Variants in ADCY2 observed in about 807,000 individuals in gnomAD.
ADCY2 encodes adenylate cyclase type 2.
A neutral mutation model predicts 125.2 loss-of-function variants in ADCY2; 31 were observed. That is an observed-to-expected ratio of 0.25 (90% CI 0.19 to 0.33). ADCY2 has a LOEUF of 0.33. Among genes scored for constraint, ADCY2 ranks in the 10% least tolerant of loss-of-function variants. The probability of loss-of-function intolerance (pLI) is 1.00; values close to 1 mark genes in which losing one functional copy is unlikely to be tolerated. For missense variants in ADCY2, 904 were observed against 1,418.2 expected (o/e 0.64, Z 5.82); for synonymous variants, 512 against 548.4 (o/e 0.93, Z 0.93).
chr5:7,476,085 C>T (rs1293551848), intron 2 of ADCY2, among the ~76,000 whole-genome samples: 1 of 152,184 alleles, frequency 6.6e-6, no homozygotes, highest in Non-Finnish European at 1.5e-5. Context: ...TGTGCTCTGA[C>T]ACTTCTGGTA....
intron 2 of ADCY2, among the ~76,000 whole-genome samples, chr5:7,432,854 CAG>C (rs1376996719): frequency 6.6e-6 from 1 of 151,410 alleles, no homozygotes; most frequent in Admixed American, 6.6e-5. Flanking sequence ...GATAGTTTCA[CAG>C]GTGTTTATGT....
At chr5:7,685,082 A>G (rs1384338034) in intron 4 of ADCY2, 2 of 152,242 alleles carry the variant, frequency 1.3e-5, no homozygotes, top group Non-Finnish European at 2.9e-5. Context: ...ACTGCAAGGA[A>G]CATACGACCC....
chr5:7,461,297 G>A (rs570217831), intron 2 of ADCY2, among the ~76,000 whole-genome samples: 1 of 152,290 alleles, frequency 6.6e-6, no homozygotes, highest in Non-Finnish European at 1.5e-5. Context: ...AAAGAAATGA[G>A]CTTCTTTTTC....
intron 4 of ADCY2, among the ~76,000 whole-genome samples, chr5:7,626,813 G>A (rs565867741): frequency 4.3e-4 from 66 of 152,142 alleles, no homozygotes; most frequent in African/African-American, 1.6e-3. Context: ...CCTCCCACCA[G>A]GCCTCACCTC....
At chr5:7,654,344 G>A (rs1739244416) in intron 4 of ADCY2, 1 of 354,356 alleles carries the variant, frequency 2.8e-6, no homozygotes, top group Admixed American at 3.7e-5. Flanking sequence ...GGGAAAACGG[G>A]ATCGAGAGAA....
intron 20 of ADCY2, chr5:7,794,436 A>G (rs1400364052): frequency 6.6e-6 from 1 of 152,224 alleles, no homozygotes; most frequent in Non-Finnish European, 1.5e-5. Context: ...CAGTTGCGGG[A>G]ACAGTGAGTG....
At chr5:7,480,502 C>A (rs1742688876) in intron 2 of ADCY2, among the ~76,000 whole-genome samples, 1 of 152,040 alleles carries the variant, frequency 6.6e-6, no homozygotes, top group African/African-American at 2.4e-5. Flanking sequence ...AATACATGAA[C>A]AGAAAACCAA....
intron 3 of ADCY2, among the ~76,000 whole-genome samples, chr5:7,603,653 A>G (rs1737292424): frequency 6.6e-6 from 1 of 152,158 alleles, no homozygotes; most frequent in Non-Finnish European, 1.5e-5. Flanking sequence ...ATGTAGGAGC[A>G]TACCCACAGA....
intron 2 of ADCY2, among the ~76,000 whole-genome samples, chr5:7,491,716 C>T (rs1013437040): frequency 1.3e-5 from 2 of 152,072 alleles, no homozygotes; most frequent in African/African-American, 2.4e-5. Context: ...TAGCCCCTAA[C>T]TGGGTTGTTG....
At chr5:7,693,503 C>G (rs922058723) in intron 5 of ADCY2, among the ~76,000 whole-genome samples, 9 of 150,130 alleles carry the variant, frequency 6.0e-5, no homozygotes, top group Admixed American at 5.3e-4. Context: ...ACTGCAACCT[C>G]CGCCTGCCGG....
At chr5:7,397,948 T>C (rs1397118550) in intron 1 of ADCY2, among the ~76,000 whole-genome samples, 2 of 152,186 alleles carry the variant, frequency 1.3e-5, no homozygotes, top group African/African-American at 4.8e-5. Flanking sequence ...TTTTTATCTC[T>C]CTTTACTACT....
At chr5:7,507,939 TG>T (rs756865610) in intron 2 of ADCY2, among the ~76,000 whole-genome samples, 306 of 152,292 alleles carry the variant, frequency 2.0e-3, no homozygotes, top group Non-Finnish European at 3.6e-3. Flanking sequence ...AAAAAAAACT[TG>T]CCAATAAAGC....
At chr5:7,737,832 C>T (rs1742293330) in intron 14 of ADCY2, among the ~76,000 whole-genome samples, 1 of 152,136 alleles carries the variant, frequency 6.6e-6, no homozygotes, top group African/African-American at 2.4e-5. Flanking sequence ...GGATCAATGA[C>T]AGAATAAATG....
chr5:7,701,920 C>T (rs1171244909), intron 7 of ADCY2, among the ~76,000 whole-genome samples: 1 of 152,062 alleles, frequency 6.6e-6, no homozygotes, highest in Non-Finnish European at 1.5e-5. Context: ...CTTATGTGTG[C>T]AGAATCTCAG....
At chr5:7,621,712 A>G (rs1029632876) in intron 3 of ADCY2, among the ~76,000 whole-genome samples, 9 of 152,234 alleles carry the variant, frequency 5.9e-5, no homozygotes, top group Non-Finnish European at 1.2e-4. Flanking sequence ...GGAGCAAAAT[A>G]ATAATAATTT....
intron 4 of ADCY2, among the ~76,000 whole-genome samples, chr5:7,638,182 T>C (rs1738573664): frequency 6.6e-6 from 1 of 152,218 alleles, no homozygotes; most frequent in Non-Finnish European, 1.5e-5. Context: ...TTCTTTGTTA[T>C]CATATATTTT....
intron 16 of ADCY2, among the ~76,000 whole-genome samples, chr5:7,763,205 C>T (rs993093452): frequency 1.3e-5 from 2 of 152,018 alleles, no homozygotes; most frequent in Non-Finnish European, 2.9e-5. Context: ...GCCATTCTGC[C>T]TCTGCGTCCC....
At chr5:7,481,627 T>C (rs1742735316) in intron 2 of ADCY2, among the ~76,000 whole-genome samples, 1 of 152,178 alleles carries the variant, frequency 6.6e-6, no homozygotes, top group Non-Finnish European at 1.5e-5. Context: ...TGAGAAATTA[T>C]TCAAATCATT....
chr5:7,686,967 C>G (rs1159864538), intron 4 of ADCY2, among the ~76,000 whole-genome samples: 3 of 152,114 alleles, frequency 2.0e-5, no homozygotes, highest in African/African-American at 7.2e-5. Flanking sequence ...AAGCATGGAC[C>G]CTGAGCTGTC....
Sources: gnomAD v4.1 joint callset for allele counts (sites outside exome capture counted in the v4.1 genomes callset) on GRCh38, gnomAD v4.1.1 for gene constraint, MANE v1.5 for transcripts, NCBI Gene and HGNC (gene_info 2026-07-23, HGNC 2026-07-21) for gene names.